The following XRN1 variants were observed in gnomAD, a reference collection of about 807,000 sequenced individuals.
The protein encoded by XRN1 is strand-exchange protein 1 homolog.
A neutral mutation model predicts 222.3 loss-of-function variants in XRN1; 67 were observed. That is an observed-to-expected ratio of 0.30 (90% CI 0.25 to 0.37). XRN1 has a LOEUF of 0.37. Ranked by LOEUF, XRN1 falls within the 10% of genes least tolerant of loss-of-function variation. XRN1 has a pLI of 1.00. For missense variants in XRN1, 1,707 were observed against 2,000.2 expected, an observed-to-expected ratio of 0.85 and a Z score of 2.80; for synonymous variants, 643 against 652.4, an observed-to-expected ratio of 0.99 and a Z score of 0.22.
chr3:142,320,796 C>G (rs1560284330), intron 37 of XRN1, among the ~76,000 whole-genome samples: 2 of 151,962 alleles, frequency 1.3e-5, no homozygotes, highest in Non-Finnish European at 2.9e-5. Flanking sequence ...CTTTTTCACT[C>G]TTGTTATTGT....
At chr3:142,375,157 G>A (rs562957028) in intron 25 of XRN1, among the ~76,000 whole-genome samples, 1 of 152,284 alleles carries the variant, frequency 6.6e-6, no homozygotes, top group South Asian at 2.1e-4. Context: ...ATAAATTTCT[G>A]TTGTTTAAGC....
chr3:142,432,014 AT>A lies in XRN1; in HGVS notation c.308+646del, dbSNP rs983442910. Among the ~76,000 whole-genome samples the A allele has an allele frequency of 3.4e-4, 23 of 67,372 alleles. 1 individual carries two copies. Among genetic ancestry groups the A allele is most frequent in the East Asian group, 2.6e-3 (8 of 3,080 alleles). 44.2% of individuals were successfully genotyped at this position (67,372 alleles called of 152,430 possible). A position where few individuals can be genotyped will look rare whatever the true frequency, so the allele number is the denominator to read the frequency against. ...ATATATTGTATATATATAAATATAT[AT>A]TTTTTTAATATATATAATCTTTTTG... On this transcript the variant is annotated intron_variant, in intron 2 of 40. Coordinates refer to ENST00000392981, the MANE Select transcript of XRN1 (RefSeq NM_001282857.2).
At chr3:142,350,719 A>T (rs1015474052) in intron 32 of XRN1, among the ~76,000 whole-genome samples, 2 of 152,166 alleles carry the variant, frequency 1.3e-5, no homozygotes, top group Admixed American at 6.6e-5. Flanking sequence ...TATTTGAAAG[A>T]GATTTACATA....
chr3:142,390,080 A>C (rs1452441724), intron 20 of XRN1, among the ~76,000 whole-genome samples: 1 of 152,236 alleles, frequency 6.6e-6, no homozygotes. Context: ...CCACACTGTT[A>C]ACAGATGTGC....
At chr3:142,376,207 T>C in intron 24 of XRN1, 5 of 643,698 alleles carry the variant, frequency 7.8e-6, no homozygotes, top group Non-Finnish European at 1.2e-5. Flanking sequence ...AATAACAAGA[T>C]GCAAGGAAAT....
intron 1 of XRN1, among the ~76,000 whole-genome samples, chr3:142,437,840 C>T (rs2069991255): frequency 6.6e-6 from 1 of 152,138 alleles, no homozygotes; most frequent in Non-Finnish European, 1.5e-5. Flanking sequence ...GCTCAAACAA[C>T]TCTATAGGAT....
intron 22 of XRN1, among the ~76,000 whole-genome samples, chr3:142,381,462 C>A (rs930707631): frequency 1.3e-5 from 2 of 151,276 alleles, no homozygotes; most frequent in Non-Finnish European, 2.9e-5. Flanking sequence ...AGATTAGGAT[C>A]AGATATTGCA....
intron 15 of XRN1, among the ~76,000 whole-genome samples, chr3:142,412,234 T>C (rs1337076471): frequency 6.6e-6 from 1 of 152,236 alleles, no homozygotes; most frequent in East Asian, 1.9e-4. Context: ...GGTTCTGTTA[T>C]TAGATACAAC....
In XRN1 at chr3:142,403,676, G is replaced by A. The variant is rs2068231677; in HGVS notation, c.2101C>T (p.Leu701Phe). The A allele has an allele frequency of 2.5e-6, 4 of 1,611,612 alleles. No individual in the cohort carries two copies. Among genetic ancestry groups the A allele is most frequent in the Non-Finnish European group, 3.4e-6 (4 of 1,178,356 alleles). Residue 701 changes from leucine to phenylalanine, a missense_variant and splice_region_variant, in exon 18 of 41, where the codon CTT (leucine) becomes TTT (phenylalanine). By Grantham distance (22) the Leu-to-Phe change is conservative. Around this residue, in one of 2 missense-constraint regions of XRN1, gnomAD observed 1,234 missense variants for 1,518.2 expected, o/e 0.81. Transcript: ENST00000392981. Reference protein sequence around the residue: ...EILVDAESDELTVENVASSVL... With the variant: ...EILVDAESDEFTVENVASSVL... ...TGAATGATAAATAAAATACTTACAA[G>A]TTCATCTGATTCTGCATCCACTAAG...
At chr3:142,318,768 A>G (rs775728616) in intron 38 of XRN1, 22 bp downstream of exon 38, 1 of 1,612,684 alleles carries the variant, frequency 6.2e-7, no homozygotes, top group Non-Finnish European at 8.5e-7. Context: ...ATTTTAATAG[A>G]GAAGTCATGG....
intron 32 of XRN1, among the ~76,000 whole-genome samples, chr3:142,353,260 T>G (rs548684101): frequency 2.6e-5 from 4 of 152,270 alleles, no homozygotes; most frequent in African/African-American, 7.2e-5. Flanking sequence ...AAAACAAAAA[T>G]TATCTATACT....
At chr3:142,392,837 C>T (rs964764110) in intron 20 of XRN1, among the ~76,000 whole-genome samples, 1 of 151,798 alleles carries the variant, frequency 6.6e-6, no homozygotes, top group African/African-American at 2.4e-5. Flanking sequence ...TGGGTATATA[C>T]CCCGTAATGG....
At chr3:142,367,150 G>A (rs753826159) in intron 27 of XRN1, among the ~76,000 whole-genome samples, 29 of 152,144 alleles carry the variant, frequency 1.9e-4, no homozygotes, top group Non-Finnish European at 7.4e-5. Flanking sequence ...AGCCGAGCAT[G>A]GTGGTGCCTG....
rs1180170564 is a variant in XRN1 at position 142,426,841 on chromosome 3, C to T, written c.309G>A (p.Arg103=). ...KMNQQRGRRF[R]SAKEAEDKIK... The stretch of plus-strand genomic sequence containing the variant: ...TTTTGTCTTCTGCCTCCTTTGCTGA[C>T]CTTAAAGGTTAAGGGAAAAAAGTAC... Residue 103 remains arginine (R), a splice_region_variant and synonymous_variant, in exon 3 of 41, where the codon AGG becomes AGA. Coordinates refer to ENST00000392981, the MANE Select transcript of XRN1 (RefSeq NM_001282857.2). 6.2e-7 allele frequency: 1 copy of T among 1,612,336 alleles called. No individual in the cohort carries two copies. The highest frequency in any genetic ancestry group is 1.3e-5 in the African/African-American group (1 of 74,752).
chr3:142,311,524 T>G lies in XRN1; in HGVS notation c.5072A>C (p.Lys1691Thr), dbSNP rs1345083011. 1 of 1,606,100 alleles carries G rather than the reference T, an allele frequency of 6.2e-7. No homozygotes were observed. The highest frequency in any genetic ancestry group is 8.5e-7 in the Non-Finnish European group (1 of 1,175,216). ...RKLAVNFGVS[K>T]PSE Reference sequence around the variant, plus strand: ...TAAGAGCCAAATTTACTCAGAAGGTTTAGAAACACCAAAATTAACAGCCAG... The same window carrying G: ...TAAGAGCCAAATTTACTCAGAAGGTGTAGAAACACCAAAATTAACAGCCAG... The change falls in exon 41 of 41, where the codon AAA becomes ACA. Residue 1691 changes from lysine (K) to threonine (T), a missense_variant. By Grantham distance (78) the Lys-to-Thr change is moderately conservative (BLOSUM62 -1). This residue lies in a region of XRN1 where 473 missense variants were observed against 482.0 expected (regional missense o/e 0.98). Transcript: ENST00000392981.
At chr3:142,418,285 T>A (rs1026654052) in intron 12 of XRN1, 2 of 443,046 alleles carry the variant, frequency 4.5e-6, no homozygotes, top group Admixed American at 8.3e-5. Flanking sequence ...TCCTTATACA[T>A]AAGGATCATT....
chr3:142,380,051 T>G, intron 23 of XRN1, 31 bp downstream of exon 23: 3 of 1,555,194 alleles, frequency 1.9e-6, no homozygotes, highest in Non-Finnish European at 2.6e-6. Flanking sequence ...TTATCAATTC[T>G]AAATGAAACA....
chr3:142,333,000 A>T lies in XRN1; in HGVS notation c.4029T>A (p.Ser1343Arg). ...VQSSHHGEPP[S>R]EEHLSPQSFA... ...ATGACTGTGGTGACAAATGCTCTTC[A>T]CTTGGAGGCTCCCCATGATGAGATG... The change falls in exon 35 of 41, where the codon AGT becomes AGA. Residue 1343 changes from serine to arginine, a missense_variant. Ser to Arg is a moderately radical substitution (Grantham distance 110). Around this residue, in one of 2 missense-constraint regions of XRN1, gnomAD observed 473 missense variants for 482.0 expected, o/e 0.98. Coordinates refer to ENST00000392981, the MANE Select transcript of XRN1 (RefSeq NM_001282857.2). 1.9e-6 allele frequency: 3 copies of T among 1,613,878 alleles called. No homozygotes were observed. The highest frequency in any genetic ancestry group is 2.5e-6 in the Non-Finnish European group (3 of 1,179,844).
intron 39 of XRN1, among the ~76,000 whole-genome samples, chr3:142,313,421 C>A (rs2065127533): frequency 6.6e-6 from 1 of 152,106 alleles, no homozygotes; most frequent in South Asian, 2.1e-4. Flanking sequence ...CTGAGGGGCC[C>A]TGGAGTTTGT....
Sources: allele counts gnomAD v4.1 joint callset (sites outside exome capture counted in the v4.1 genomes callset), GRCh38; gene constraint gnomAD v4.1.1; regional missense constraint gnomAD v4.1.1; transcripts MANE v1.5; gene names NCBI Gene and HGNC (gene_info 2026-07-23, HGNC 2026-07-21).